Variants in SUN5 observed in about 807,000 individuals in gnomAD.
SUN5 encodes Sad1 and UNC84 domain containing 5, also known as SUN domain-containing protein 5.
In SUN5, 44 loss-of-function variants were observed where a neutral mutation model predicts 53.7. The ratio of observed to expected loss-of-function variants is 0.82; its 90% CI spans 0.64 to 1.05. The LOEUF is 1.05. Ranked by LOEUF, SUN5 falls within the 50% of genes least tolerant of loss-of-function variation. SUN5 has a pLI of 0.00. For missense variants in SUN5, 433 were observed against 483.8 expected (o/e 0.90, Z 0.98); for synonymous variants, 166 against 179.8 (o/e 0.92, Z 0.62).
chr20:32,984,319 G>C (rs1989476147), intron 12 of SUN5, among the ~76,000 whole-genome samples: 1 of 152,122 alleles, frequency 6.6e-6, no homozygotes, highest in Admixed American at 6.5e-5. Flanking sequence ...TTTGGGAACA[G>C]GCGGCCTCTA....
intron 2 of SUN5, 88 bp downstream of exon 2, chr20:33,002,773 T>C: frequency 6.2e-7 from 1 of 1,600,822 alleles, no homozygotes; most frequent in Non-Finnish European, 8.5e-7. Context: ...TGCCCCTTGC[T>C]GGGTAGCCCC....
intron 8 of SUN5, 30 bp from the exon 9 acceptor site, chr20:32,989,728 C>T: frequency 6.3e-7 from 1 of 1,595,978 alleles, no homozygotes; most frequent in Non-Finnish European, 8.6e-7. Context: ...AAGTTGTGCC[C>T]TGGTGTGTTG....
Position 33,002,634 on chromosome 20 carries a change from T to A in SUN5, c.164A>T (p.Asn55Ile). The change falls in exon 3 of 13, where the codon AAC becomes ATC. Residue 55 changes from asparagine to isoleucine, a missense_variant. Coordinates refer to ENST00000356173, the MANE Select transcript of SUN5 (RefSeq NM_080675.4). Reference protein sequence around the residue: ...MNDNILLPVRNNDQALGLTQC... With the variant: ...MNDNILLPVRINDQALGLTQC... ...AGTCAGGCCTAGGGCTTGGTCATTG[T>A]TGCGGACAGGCAACAGGATGTTGTC... 6.2e-7 allele frequency: 1 copy of A among 1,614,240 alleles called. No individual in the cohort carries two copies. Among genetic ancestry groups the A allele is most frequent in the Non-Finnish European group, 8.5e-7 (1 of 1,180,044 alleles).
At position 32,989,651 on chromosome 20, in the gene SUN5, G is replaced by A. The variant is rs200166565; in HGVS notation, c.582C>T (p.Ile194=). 1.3e-4 allele frequency: 202 copies of A among 1,614,000 alleles called. No homozygotes were observed. The South Asian group carries it at 1.4e-3, about 11-fold the overall frequency. ...KIMKMIHGDY[I]EKPDFALKSI... The stretch of plus-strand genomic sequence containing the variant: ...ACTTCAGGGCAAAGTCTGGCTTTTC[G>A]ATGTAATCTCCGTGTATCATCTTCA... The change falls in exon 9 of 13, where the codon ATC becomes ATT. Residue 194 remains isoleucine, a synonymous_variant. Coordinates refer to ENST00000356173, the MANE Select transcript of SUN5 (RefSeq NM_080675.4).
chr20:33,001,044 G>C (rs1989991676), intron 4 of SUN5, among the ~76,000 whole-genome samples, 168 bp downstream of exon 4: 1 of 152,070 alleles, frequency 6.6e-6, no homozygotes, highest in Non-Finnish European at 1.5e-5. Flanking sequence ...TGGAGCAATG[G>C]GGGGCCACAG....
At position 33,004,305 on chromosome 20, in the gene SUN5, G is replaced by A. The variant is rs773002826; in HGVS notation, c.36C>T (p.Gly12=). The A allele has an allele frequency of 1.9e-5, 30 of 1,577,458 alleles. No individual in the cohort carries two copies. The highest frequency in any genetic ancestry group is 5.9e-5 in the South Asian group (5 of 85,118). ...TGTGGGCCACATCTTCGAGTAGGGC[G>A]CCTGGGTCCCCAGGGCTCCTTGAGG... The part of the protein sequence containing the change: ...PRSSRSPGDP[G]ALLEDVAHNP... The change falls in exon 1 of 13, where the codon GGC becomes GGT. Residue 12 remains glycine, a synonymous_variant. Coordinates refer to ENST00000356173, the MANE Select transcript of SUN5 (RefSeq NM_080675.4).
At chr20:32,994,146 A>G (rs1259910384) in intron 8 of SUN5, among the ~76,000 whole-genome samples, 33 of 152,240 alleles carry the variant, frequency 2.2e-4, no homozygotes, top group Non-Finnish European at 2.9e-5. Flanking sequence ...GAAGGAGTCT[A>G]AAGAGTTAAG....
In SUN5 at chr20:32,985,759, C is replaced by A. The variant is rs376507648; in HGVS notation, c.874G>T (p.Ala292Ser). 1.2e-6 allele frequency: 2 copies of A among 1,613,988 alleles called. No homozygotes were observed. The highest frequency in any genetic ancestry group is 1.7e-6 in the Non-Finnish European group (2 of 1,179,928). Residue 292 changes from alanine to serine, a missense_variant, in exon 11 of 13, where the codon GCC becomes TCC. By Grantham distance (99) the Ala-to-Ser change is moderately conservative. Transcript: ENST00000356173. Reference sequence around the variant, plus strand: ...ACATAGATGACGAAGTCCTTGGGGGCGGTGTCCAGGCTGCCTGACAATGAG... The same window carrying A: ...ACATAGATGACGAAGTCCTTGGGGGAGGTGTCCAGGCTGCCTGACAATGAG... ...TISLSGSLDT[A>S]PKDFVIYGME...
Position 32,983,963 on chromosome 20 carries a change from A to G in SUN5, c.985-14T>C, listed in dbSNP as rs764007748. ...GGCCGGCTGGTTCTGGAAGAGAATC[A>G]GTCACAGAGGCAGCTCACCCATAGA... On this transcript the variant is annotated splice_polypyrimidine_tract_variant and intron_variant, in intron 12 of 12. Transcript: ENST00000356173. 3 of 1,548,776 alleles carry G rather than the reference A, an allele frequency of 1.9e-6. No homozygotes were observed. Among genetic ancestry groups the G allele is most frequent in the Admixed American group, 3.8e-5 (2 of 53,176 alleles).
chr20:33,002,827 C>G, intron 2 of SUN5, 34 bp downstream of exon 2: 1 of 1,613,394 alleles, frequency 6.2e-7, no homozygotes, highest in South Asian at 1.1e-5. Context: ...CCTCAGCTGC[C>G]CATGAAAATA....
intron 5 of SUN5, 117 bp downstream of exon 5, chr20:32,999,957 C>T (rs1236675366): frequency 1.9e-6 from 3 of 1,555,316 alleles, no homozygotes; most frequent in Non-Finnish European, 2.6e-6. Flanking sequence ...CAACACCCAT[C>T]AGGCAGATGG....
chr20:33,000,183 C>CAAGT, intron 4 of SUN5, 48 bp from the exon 5 acceptor site: 1 of 1,560,780 alleles, frequency 6.4e-7, no homozygotes, highest in South Asian at 1.2e-5. Context: ...AAGGCCCTGC[C>CAAGT]AAGTGTTCAC....
At chr20:33,003,738 A>G (rs186865626) in intron 1 of SUN5, among the ~76,000 whole-genome samples, 1 of 152,290 alleles carries the variant, frequency 6.6e-6, no homozygotes, top group African/African-American at 2.4e-5. Flanking sequence ...ACATTCCTGA[A>G]TAATATAAAT....
At chr20:33,001,313 G>A (rs1404693646) in intron 3 of SUN5, 35 bp from the exon 4 acceptor site, 34 of 1,556,620 alleles carry the variant, frequency 2.2e-5, no homozygotes, top group East Asian at 4.8e-5. Flanking sequence ...GACTCACTAC[G>A]CCCTCATCTT....
rs1168525008 is a variant in SUN5 at position 32,987,758 on chromosome 20, CAA to C, written c.629_630del (p.Phe210Ter). On this transcript the variant is annotated frameshift_variant, in exon 10 of 13. Coordinates refer to ENST00000356173, the MANE Select transcript of SUN5 (RefSeq NM_080675.4). LOFTEE classifies it high-confidence loss of function. ...ALKSIGASID[F>X]EHTSVTYNHE... ...TGGTTATAGGTGACTGACGTGTGCT[CAA>C]AGTCAATGCTGGCCCCTGTATAGGA... 6.2e-7 allele frequency: 1 copy of C among 1,612,788 alleles called. No homozygotes were observed. Among genetic ancestry groups the C allele is most frequent in the East Asian group, 2.2e-5 (1 of 44,840 alleles).
Position 32,999,793 on chromosome 20 carries a change from G to A in SUN5, c.340+281C>T, listed in dbSNP as rs189190183. The A allele has an allele frequency of 2.9e-4, 260 of 911,132 alleles. No individual in the cohort carries two copies. In the Admixed American group the frequency reaches 3.1e-3, roughly 11 times the overall value. 56.4% of individuals were successfully genotyped at this position (911,132 alleles called of 1,614,324 possible). On this transcript the variant is annotated intron_variant, in intron 5 of 12. Coordinates refer to ENST00000356173, the MANE Select transcript of SUN5 (RefSeq NM_080675.4). Reference sequence around the variant, plus strand: ...GGAAAGCTAAGCTGTGTTGTGCGAGGTGGGGGTGGTGGCTGGAAAGAAGCC... The same window carrying A: ...GGAAAGCTAAGCTGTGTTGTGCGAGATGGGGGTGGTGGCTGGAAAGAAGCC...
chr20:32,985,602 A>C, intron 11 of SUN5, 134 bp downstream of exon 11: 1 of 1,162,812 alleles, frequency 8.6e-7, no homozygotes, highest in East Asian at 2.5e-5. Flanking sequence ...GGCCACTTCC[A>C]GCCTTAACCA....
intron 1 of SUN5, 144 bp from the exon 2 acceptor site, chr20:33,003,063 C>T (rs1990096113): frequency 7.7e-6 from 7 of 903,294 alleles, no homozygotes. Context: ...AGGGACAGAC[C>T]CAGGTCTGGC....
intron 1 of SUN5, 34 bp downstream of exon 1, chr20:33,004,230 A>T: frequency 6.5e-7 from 1 of 1,528,596 alleles, no homozygotes; most frequent in Non-Finnish European, 8.8e-7. Context: ...TAAACTGTAA[A>T]GGGCTGGGCA....
Sources: allele counts gnomAD v4.1 joint callset (sites outside exome capture counted in the v4.1 genomes callset), GRCh38; gene constraint gnomAD v4.1.1; transcripts MANE v1.5; gene names NCBI Gene and HGNC (gene_info 2026-07-23, HGNC 2026-07-21).